SAMD12: variants seen among roughly 807,000 people sequenced by gnomAD.
The protein encoded by SAMD12 is sterile alpha motif domain containing 12, also known as sterile alpha motif domain-containing protein 12.
In SAMD12, 9 loss-of-function variants were observed where a neutral mutation model predicts 15.0. That is an observed-to-expected ratio of 0.60 (90% CI 0.36 to 1.05). SAMD12 has a LOEUF of 1.05. Among genes scored for constraint, SAMD12 ranks in the 50% least tolerant of loss-of-function variants. SAMD12 has a pLI of 0.01. For missense variants in SAMD12, 230 were observed against 234.2 expected (o/e 0.98, Z 0.12); for synonymous variants, 86 against 90.1 (o/e 0.96, Z 0.25).
chr8:118,552,696 G>A (rs1453233641), intron 2 of SAMD12, among the ~76,000 whole-genome samples: 2 of 152,174 alleles, frequency 1.3e-5, no homozygotes, highest in African/African-American at 4.8e-5. Flanking sequence ...TTAGGCAGGA[G>A]AAGGAAATAA....
rs1822844884 is a variant in SAMD12 at position 118,444,374 on chromosome 8, G to GTCCTTT, written c.193-4414_193-4413insAAAGGA. Among the ~76,000 whole-genome samples the GTCCTTT allele has an allele frequency of 2.0e-5, 3 of 152,230 alleles. No individual in the cohort carries two copies. The South Asian group carries it at 6.2e-4, about 32-fold the overall frequency. On this transcript the variant is annotated intron_variant, in intron 2 of 3. Transcript: ENST00000314727. ...TAACCCCTATGCATAGTGACACCAAGCAGAATTCCAGACATTTCCTTTCTG... is the reference window on the plus strand; with the variant it reads ...TAACCCCTATGCATAGTGACACCAAGTCCTTTCAGAATTCCAGACATTTCCTTTCTG...
the SAMD12 span, among the ~76,000 whole-genome samples, chr8:118,143,727 T>A: frequency 3.3e-4 from 50 of 152,150 alleles, no homozygotes; most frequent in African/African-American, 1.2e-3. Context: ...AGTATATCAA[T>A]CAGAGAAGAA....
At chr8:118,372,874 T>C (rs1423274293) in intron 4 of SAMD12, among the ~76,000 whole-genome samples, 1 of 152,086 alleles carries the variant, frequency 6.6e-6, no homozygotes, top group African/African-American at 2.4e-5. Flanking sequence ...ATCACAGCTT[T>C]GATAAGTCTA....
chr8:118,621,679 G>A (rs1828411394), intron 1 of SAMD12, 125 bp downstream of exon 1: 3 of 1,086,226 alleles, frequency 2.8e-6, no homozygotes, highest in Non-Finnish European at 4.2e-6. Flanking sequence ...GGTGGAGGAG[G>A]AAGGGGCCCG....
At chr8:118,280,828 A>G (rs1196865873) in intron 4 of SAMD12, among the ~76,000 whole-genome samples, 1 of 152,092 alleles carries the variant, frequency 6.6e-6, no homozygotes, top group African/African-American at 2.4e-5. Flanking sequence ...TAGAAGTAAG[A>G]GTTCTTAATA....
rs1389129180 is a variant in SAMD12 at position 118,454,050 on chromosome 8, C to T, written c.193-14089G>A. On this transcript the variant is annotated intron_variant, in intron 2 of 3. Coordinates refer to ENST00000314727, the MANE Select transcript of SAMD12 (RefSeq NM_207506.3). ...CTGGATAGATGGATGGATGGATAAA[C>T]TGTTCCCTGGATCCCAATCTTCCTT... Among the ~76,000 whole-genome samples, 5 of 152,144 alleles carry T rather than the reference C, an allele frequency of 3.3e-5. No homozygotes were observed. The East Asian group carries it at 9.6e-4, about 29-fold the overall frequency.
chr8:118,302,078 G>GTTTTTTTTTTTTTT lies in SAMD12; in HGVS notation c.433+77468_433+77481dup, dbSNP rs58076997. On this transcript the variant is annotated intron_variant, in intron 4 of 4. Transcript: ENST00000409003. ...ATTTTCTAGCGCCAGATCTTTGAGAGTTTTTTTTTTTTTTTTTTTTTTTTT... is the reference window on the plus strand; with the variant it reads ...ATTTTCTAGCGCCAGATCTTTGAGAGTTTTTTTTTTTTTTTTTTTTTTTTTTTTTTTTTTTTTTT... Among the ~76,000 whole-genome samples, 112 of 74,682 alleles carry GTTTTTTTTTTTTTT rather than the reference G, an allele frequency of 1.5e-3. 18 individuals are homozygous for GTTTTTTTTTTTTTT. Among genetic ancestry groups the GTTTTTTTTTTTTTT allele is most frequent in the African/African-American group, 7.3e-3 (105 of 14,288 alleles). The allele number at this position is 74,682 out of a possible 152,430, so 49.0% of individuals were successfully genotyped here. A position where few individuals can be genotyped will look rare whatever the true frequency, so the allele number is the denominator to read the frequency against.
At chr8:118,460,141 G>A (rs1009232769) in intron 2 of SAMD12, among the ~76,000 whole-genome samples, 2 of 152,110 alleles carry the variant, frequency 1.3e-5, no homozygotes, top group African/African-American at 4.8e-5. Context: ...CCTTCACAAA[G>A]GATCCATTCC....
At chr8:118,376,751 A>G (rs992756225), downstream of SAMD12, among the ~76,000 whole-genome samples, 1 of 151,246 alleles carries the variant, frequency 6.6e-6, no homozygotes, top group Non-Finnish European at 1.5e-5. Context: ...TTCCAAAAAC[A>G]TTCCAAAGTC....
chr8:118,326,670 C>G (rs1452309213), intron 4 of SAMD12, among the ~76,000 whole-genome samples: 1 of 152,132 alleles, frequency 6.6e-6, no homozygotes, highest in Non-Finnish European at 1.5e-5. Context: ...TCCTGAGTAT[C>G]AAACCAAATT....
the SAMD12 span, among the ~76,000 whole-genome samples, chr8:118,176,410 A>T: frequency 6.6e-6 from 1 of 152,226 alleles, no homozygotes; most frequent in Admixed American, 6.5e-5. Context: ...TATAGAATCA[A>T]TCTAGATGCT....
chr8:118,379,407 G>A lies in SAMD12; in HGVS notation c.*10C>T, dbSNP rs199990056. 1.3e-4 allele frequency: 204 copies of A among 1,609,046 alleles called. 1 individual carries two copies. The highest frequency in any genetic ancestry group is 2.1e-5 in the Non-Finnish European group (25 of 1,177,174). On this transcript the variant is annotated 3_prime_UTR_variant, in exon 4 of 4. Coordinates refer to ENST00000314727, the MANE Select transcript of SAMD12 (RefSeq NM_207506.3). ...TGAGCTATGAAAAAAGTTTTCAAAGGGAAGTAATCTTAAATCTGTATACTA... is the reference window on the plus strand; with the variant it reads ...TGAGCTATGAAAAAAGTTTTCAAAGAGAAGTAATCTTAAATCTGTATACTA...
intron 1 of SAMD12, among the ~76,000 whole-genome samples, chr8:118,581,273 G>A (rs576672087): frequency 6.6e-5 from 10 of 152,150 alleles, no homozygotes; most frequent in Non-Finnish European, 1.2e-4. Context: ...TCTGAAAAGT[G>A]CTCACCCTCT....
At chr8:118,270,294 T>A (rs780872961) in intron 4 of SAMD12, among the ~76,000 whole-genome samples, 25 of 152,322 alleles carry the variant, frequency 1.6e-4, no homozygotes, top group Non-Finnish European at 3.7e-4. Flanking sequence ...ACTAGCTATA[T>A]AATCACCTAG....
intron 4 of SAMD12, among the ~76,000 whole-genome samples, chr8:118,276,603 A>G (rs1278106253): frequency 1.2e-4 from 19 of 152,106 alleles, no homozygotes; most frequent in Admixed American, 1.2e-3. Flanking sequence ...GATTGATTTT[A>G]TTGACTGAAA....
intron 1 of SAMD12, among the ~76,000 whole-genome samples, chr8:118,594,833 T>C (rs981415134): frequency 2.0e-5 from 3 of 152,192 alleles, no homozygotes; most frequent in Non-Finnish European, 2.9e-5. Context: ...CCTGTGTTGA[T>C]ATACAAGCAT....
At chr8:118,327,528 A>G (rs1055593842) in intron 4 of SAMD12, among the ~76,000 whole-genome samples, 4 of 152,222 alleles carry the variant, frequency 2.6e-5, no homozygotes, top group Non-Finnish European at 5.9e-5. Flanking sequence ...AGTATATGGA[A>G]GAACAATGGA....
At chr8:118,176,808 A>T in the SAMD12 span, among the ~76,000 whole-genome samples, 9 of 151,474 alleles carry the variant, frequency 5.9e-5, no homozygotes, top group African/African-American at 1.7e-4. Context: ...ACCTAAAATT[A>T]AAAAAAAACC....
intron 4 of SAMD12, among the ~76,000 whole-genome samples, chr8:118,247,493 A>C (rs1010265794): frequency 1.3e-5 from 2 of 152,146 alleles, no homozygotes; most frequent in Non-Finnish European, 2.9e-5. Context: ...TCATTCCACA[A>C]TGTATACTTG....
Sources: gnomAD v4.1 joint callset for allele counts (sites outside exome capture counted in the v4.1 genomes callset) on GRCh38, gnomAD v4.1.1 for gene constraint, MANE v1.5 for transcripts, NCBI Gene and HGNC (gene_info 2026-07-23, HGNC 2026-07-21) for gene names.